Variants in VAT1L observed in about 807,000 individuals in gnomAD.
VAT1L encodes the protein vesicle amine transport 1 like.
VAT1L carries 34 observed loss-of-function variants against 44.1 expected under a neutral mutation model. The ratio of observed to expected loss-of-function variants is 0.77; its 90% confidence interval spans 0.59 to 1.03. The LOEUF (loss-of-function observed/expected upper bound fraction) is 1.03. Among genes scored for constraint, VAT1L ranks in the 50% least tolerant of loss-of-function variants. The pLI is 0.00. For missense variants in VAT1L, 615 were observed against 538.8 expected, an observed-to-expected ratio of 1.14 and a Z score of -1.40; for synonymous variants, 253 against 202.2, an observed-to-expected ratio of 1.25 and a Z score of -2.13.
At chr16:77,852,149 A>G (rs975051760) in intron 3 of VAT1L, among the ~76,000 whole-genome samples, 2 of 152,030 alleles carry the variant, frequency 1.3e-5, no homozygotes, top group African/African-American at 2.4e-5. Context: ...TCAAACAACA[A>G]AACTGTGCTG....
At chr16:77,931,818 T>C (rs772927925) in intron 7 of VAT1L, among the ~76,000 whole-genome samples, 1 of 152,186 alleles carries the variant, frequency 6.6e-6, no homozygotes, top group African/African-American at 2.4e-5. Context: ...TTAGTAGTAA[T>C]TATATTTAAG....
At chr16:77,840,987 G>C (rs1221115034) in intron 3 of VAT1L, among the ~76,000 whole-genome samples, 1 of 152,030 alleles carries the variant, frequency 6.6e-6, no homozygotes, top group Non-Finnish European at 1.5e-5. Context: ...TCATCTTAAG[G>C]GTTATGGTAA....
chr16:77,946,214 T>A (rs545451524), intron 7 of VAT1L, among the ~76,000 whole-genome samples: 3 of 150,806 alleles, frequency 2.0e-5, no homozygotes, highest in South Asian at 4.2e-4. Context: ...CATAATATTC[T>A]AACAAACAGC....
intron 7 of VAT1L, among the ~76,000 whole-genome samples, chr16:77,940,322 G>A (rs1226618004): frequency 1.3e-5 from 2 of 150,510 alleles, no homozygotes; most frequent in African/African-American, 4.9e-5. Flanking sequence ...GTACAAGCCA[G>A]GTCTAACATA....
At chr16:77,946,279 C>CTATTTTT (rs2017963440) in intron 7 of VAT1L, among the ~76,000 whole-genome samples, 1 of 70,428 alleles carries the variant, frequency 1.4e-5, no homozygotes, top group Non-Finnish European at 2.5e-5. Flanking sequence ...GTTACTTGTT[C>CTATTTTT]TTTTTTTTTT....
At chr16:77,906,034 T>A (rs557114750) in intron 7 of VAT1L, among the ~76,000 whole-genome samples, 1 of 152,322 alleles carries the variant, frequency 6.6e-6, no homozygotes, top group South Asian at 2.1e-4. Context: ...TTGGCTCACA[T>A]CAGGAACTCA....
intron 7 of VAT1L, among the ~76,000 whole-genome samples, chr16:77,947,405 C>T (rs1408980066): frequency 6.6e-6 from 1 of 152,222 alleles, no homozygotes; most frequent in South Asian, 2.1e-4. Context: ...TGGGTTTTAA[C>T]AGCATGTCTC....
At chr16:77,962,147 G>T (rs776083459) in intron 7 of VAT1L, among the ~76,000 whole-genome samples, 3 of 152,034 alleles carry the variant, frequency 2.0e-5, no homozygotes, top group Non-Finnish European at 4.4e-5. Flanking sequence ...CATCTGCAGG[G>T]CCCTGGGCAA....
intron 1 of VAT1L, among the ~76,000 whole-genome samples, chr16:77,791,003 G>A (rs1326285456): frequency 6.6e-6 from 1 of 152,150 alleles, no homozygotes; most frequent in African/African-American, 2.4e-5. Context: ...AAGCCAACCA[G>A]GCTGCAGGTA....
chr16:77,912,693 C>G (rs1056264240), intron 7 of VAT1L, among the ~76,000 whole-genome samples: 13 of 152,240 alleles, frequency 8.5e-5, no homozygotes, highest in African/African-American at 2.6e-4. Context: ...TTGACCTCAC[C>G]CCACCTGATA....
At chr16:77,824,720 C>A (rs1181563516) in intron 2 of VAT1L, among the ~76,000 whole-genome samples, 1 of 149,020 alleles carries the variant, frequency 6.7e-6, no homozygotes, top group African/African-American at 2.5e-5. Flanking sequence ...CACGCCACTG[C>A]CCTCCAGCCT....
intron 3 of VAT1L, among the ~76,000 whole-genome samples, chr16:77,848,173 C>G (rs977650925): frequency 6.6e-6 from 1 of 152,140 alleles, no homozygotes. Flanking sequence ...AGGCTGTGGA[C>G]AGCATATTCT....
intron 7 of VAT1L, among the ~76,000 whole-genome samples, chr16:77,901,580 T>A (rs1597090361): frequency 6.6e-6 from 1 of 152,184 alleles, no homozygotes; most frequent in South Asian, 2.1e-4. Flanking sequence ...TTACTTAGTC[T>A]CCTCTCAGAG....
chr16:77,873,477 C>T (rs2017053762), intron 4 of VAT1L, among the ~76,000 whole-genome samples: 1 of 152,066 alleles, frequency 6.6e-6, no homozygotes, highest in Non-Finnish European at 1.5e-5. Context: ...ATTCAGTTAC[C>T]CATTCATTGA....
chr16:77,865,195 G>C (rs2016960335), intron 4 of VAT1L, among the ~76,000 whole-genome samples: 1 of 151,878 alleles, frequency 6.6e-6, no homozygotes, highest in Non-Finnish European at 1.5e-5. Flanking sequence ...GGATTGTCTT[G>C]ATCTCCTGAC....
chr16:77,968,484 G>T (rs2018246665), intron 7 of VAT1L, among the ~76,000 whole-genome samples: 1 of 152,248 alleles, frequency 6.6e-6, no homozygotes, highest in Non-Finnish European at 1.5e-5. Context: ...CCAGCACTTT[G>T]GGAGGCCAAG....
chr16:77,967,264 G>A (rs2018233205), intron 7 of VAT1L, among the ~76,000 whole-genome samples: 1 of 152,270 alleles, frequency 6.6e-6, no homozygotes, highest in Non-Finnish European at 1.5e-5. Flanking sequence ...TTTTATCTGT[G>A]AAACTGTGGT....
At chr16:77,867,805 G>T (rs1183241130) in intron 4 of VAT1L, among the ~76,000 whole-genome samples, 1 of 150,566 alleles carries the variant, frequency 6.6e-6, no homozygotes, top group African/African-American at 2.4e-5. Context: ...GTTGCAGTGA[G>T]CCCAGATTAT....
At chr16:77,854,815 C>A (rs896019528) in intron 3 of VAT1L, among the ~76,000 whole-genome samples, 40 of 152,060 alleles carry the variant, frequency 2.6e-4, no homozygotes, top group African/African-American at 9.4e-4. Flanking sequence ...GTGAAAACAA[C>A]TTTTAGAAGA....
Sources: gnomAD v4.1 joint callset for allele counts (sites outside exome capture counted in the v4.1 genomes callset) on GRCh38, gnomAD v4.1.1 for gene constraint, MANE v1.5 for transcripts, NCBI Gene and HGNC (gene_info 2026-07-23, HGNC 2026-07-21) for gene names.